MAF: variants seen among roughly 807,000 people sequenced by gnomAD.
MAF encodes the protein transcription factor Maf.
In MAF, 10 loss-of-function variants were observed where a neutral mutation model predicts 22.0. The observed-to-expected ratio is 0.45, with a 90% CI of 0.28 to 0.77. The LOEUF (loss-of-function observed/expected upper bound fraction) is 0.77, where lower values mean the gene tolerates loss of function less well. MAF is among the 30% of genes least tolerant of loss of function. The pLI is 0.12. For synonymous variants in MAF, 337 were observed against 255.8 expected (o/e 1.32, Z -3.03); for missense variants, 544 against 548.4 (o/e 0.99, Z 0.08).
the MAF span, among the ~76,000 whole-genome samples, chr16:79,520,717 G>A: frequency 6.6e-6 from 1 of 152,160 alleles, no homozygotes; most frequent in East Asian, 1.9e-4. Flanking sequence ...GTGCTTGGGT[G>A]GTCTTGGGCC....
chr16:79,223,382 T>C, the MAF span, among the ~76,000 whole-genome samples: 1 of 152,204 alleles, frequency 6.6e-6, no homozygotes, highest in Non-Finnish European at 1.5e-5. Context: ...GGGAAATTTA[T>C]AGCACTAAAT....
At chr16:79,296,326 A>G in the MAF span, among the ~76,000 whole-genome samples, 1 of 152,174 alleles carries the variant, frequency 6.6e-6, no homozygotes, top group African/African-American at 2.4e-5. Context: ...CAATGAGAAT[A>G]CATGGACACA....
chr16:79,310,159 G>T, the MAF span, among the ~76,000 whole-genome samples: 8,489 of 152,146 alleles, frequency 0.056, 496 homozygotes, highest in East Asian at 0.21. Flanking sequence ...TAGTGTCATT[G>T]GCACAAGGTT....
chr16:79,598,736 C>T (rs2143796048), intron 1 of MAF, 49 bp downstream of exon 1: 2 of 1,612,256 alleles, frequency 1.2e-6, no homozygotes, highest in East Asian at 4.5e-5. Context: ...GCCGGACCCC[C>T]GCGGAGCACT....
chr16:79,219,101 T>C, the MAF span, among the ~76,000 whole-genome samples: 1 of 152,236 alleles, frequency 6.6e-6, no homozygotes, highest in Non-Finnish European at 1.5e-5. Context: ...TGCTGCATCT[T>C]AGGCGTGAGA....
the MAF span, among the ~76,000 whole-genome samples, chr16:79,569,239 A>G: frequency 6.6e-6 from 1 of 152,182 alleles, no homozygotes; most frequent in Non-Finnish European, 1.5e-5. Context: ...AATGTTTAGC[A>G]TTATCCCTCG....
At chr16:79,206,167 A>T in the MAF span, 2 of 152,238 alleles carry the variant, frequency 1.3e-5, no homozygotes, top group Non-Finnish European at 2.9e-5. Context: ...GGGTGAACAC[A>T]CGACAGCCCC....
chr16:79,217,595 G>C, the MAF span, among the ~76,000 whole-genome samples: 6 of 152,122 alleles, frequency 3.9e-5, no homozygotes, highest in African/African-American at 1.2e-4. Context: ...TCAACATCCC[G>C]AGTTCTTCGC....
chr16:79,380,156 T>C, the MAF span, among the ~76,000 whole-genome samples: 9 of 152,312 alleles, frequency 5.9e-5, no homozygotes, highest in South Asian at 1.7e-3. Flanking sequence ...GGCTGCCATA[T>C]TTCAAAAATC....
the MAF span, among the ~76,000 whole-genome samples, chr16:79,489,256 T>C: frequency 2.6e-5 from 4 of 152,128 alleles, no homozygotes; most frequent in African/African-American, 4.8e-5. Context: ...CATCTATTTA[T>C]CCAGCAATTT....
At chr16:79,294,778 T>A in the MAF span, among the ~76,000 whole-genome samples, 3 of 152,304 alleles carry the variant, frequency 2.0e-5, no homozygotes, top group African/African-American at 7.2e-5. Flanking sequence ...CAGGGCCAAC[T>A]CTCTATCCAG....
chr16:79,550,358 G>A, the MAF span, among the ~76,000 whole-genome samples: 1 of 151,984 alleles, frequency 6.6e-6, no homozygotes, highest in Non-Finnish European at 1.5e-5. Context: ...GAGACAGACA[G>A]ACAGACACAC....
the MAF span, among the ~76,000 whole-genome samples, chr16:79,461,760 C>A: frequency 1.3e-5 from 2 of 152,272 alleles, no homozygotes; most frequent in Middle Eastern, 3.4e-3. Flanking sequence ...TGTGGTTGGT[C>A]TGAAAACAGT....
chr16:79,507,111 C>A, the MAF span, among the ~76,000 whole-genome samples: 85 of 119,258 alleles, frequency 7.1e-4, no homozygotes, highest in African/African-American at 2.6e-3. Flanking sequence ...AACTTTTCTG[C>A]GTCTTTTTTT....
chr16:79,207,904 T>A, the MAF span, among the ~76,000 whole-genome samples: 2 of 152,186 alleles, frequency 1.3e-5, no homozygotes, highest in African/African-American at 2.4e-5. Flanking sequence ...CTAGCAGTTA[T>A]CAAATGAATG....
At chr16:79,252,088 G>A in the MAF span, among the ~76,000 whole-genome samples, 1 of 152,236 alleles carries the variant, frequency 6.6e-6, no homozygotes, top group Admixed American at 6.5e-5. Context: ...ATATTAGAAA[G>A]AAACATTTGG....
the MAF span, among the ~76,000 whole-genome samples, chr16:79,502,712 T>TAG: frequency 9.6e-5 from 3 of 31,124 alleles, no homozygotes; most frequent in Non-Finnish European, 2.0e-4. Flanking sequence ...AATATAAATA[T>TAG]ATATATATAT....
the MAF span, among the ~76,000 whole-genome samples, chr16:79,218,510 G>C: frequency 6.6e-6 from 1 of 152,152 alleles, no homozygotes; most frequent in Admixed American, 6.5e-5. Flanking sequence ...TTGCCACAGA[G>C]AGCCACAATG....
chr16:79,283,065 TGG>T, the MAF span, among the ~76,000 whole-genome samples: 56 of 152,146 alleles, frequency 3.7e-4, no homozygotes, highest in African/African-American at 1.3e-3. Flanking sequence ...TCCTTGAGGG[TGG>T]GGAATAGGGA....
Sources: allele counts gnomAD v4.1 joint callset (sites outside exome capture counted in the v4.1 genomes callset), GRCh38; gene constraint gnomAD v4.1.1; transcripts MANE v1.5; gene names NCBI Gene and HGNC (gene_info 2026-07-23, HGNC 2026-07-21).